Variants in UBR7 observed in about 807,000 individuals in gnomAD.
UBR7 encodes the protein ubiquitin protein ligase E3 component n-recognin 7, also known as putative E3 ubiquitin-protein ligase UBR7.
Under a neutral mutation model 57.0 loss-of-function variants are expected in UBR7, and 22 were observed. The ratio of observed to expected loss-of-function variants is 0.39; its 90% confidence interval spans 0.28 to 0.55. UBR7 has a LOEUF of 0.55. Among genes scored for constraint, UBR7 ranks in the 20% least tolerant of loss-of-function variants. The pLI is 0.69. For synonymous variants in UBR7, 167 were observed against 179.8 expected, an observed-to-expected ratio of 0.93 and a Z score of 0.57; for missense variants, 395 against 513.2, an observed-to-expected ratio of 0.77 and a Z score of 2.23.
At chr14:93,209,065 G>A (rs911877815) in intron 1 of UBR7, among the ~76,000 whole-genome samples, 2 of 152,062 alleles carry the variant, frequency 1.3e-5, no homozygotes, top group African/African-American at 4.8e-5. Context: ...TGCCCACCTC[G>A]GCCTCCCAAA....
chr14:93,223,869 C>A, intron 10 of UBR7: 1 of 741,986 alleles, frequency 1.3e-6, no homozygotes. Context: ...ATGTTGGGGG[C>A]GCCGCTCCGG....
At chr14:93,225,828 A>G (rs1189471442) in intron 10 of UBR7, among the ~76,000 whole-genome samples, 5 of 152,206 alleles carry the variant, frequency 3.3e-5, no homozygotes, top group Non-Finnish European at 7.3e-5. Flanking sequence ...CTCCTACAGT[A>G]TCCTTGCTAG....
Position 93,210,671 on chromosome 14 carries a change from A to G in UBR7, c.308A>G (p.Asn103Ser). Residue 103 changes from asparagine to serine, a missense_variant, in exon 3 of 11, where the codon AAC (asparagine) becomes AGC (serine). Coordinates refer to ENST00000013070, the MANE Select transcript of UBR7 (RefSeq NM_175748.4). ...TKRNFRCDCG[N>S]SKFKNLECKL... ...AGAAATTTTCGTTGTGATTGTGGAA[A>G]CAGCAAGTTTAAAAATTTGGAATGC... 2 of 1,609,336 alleles carry G rather than the reference A, an allele frequency of 1.2e-6. No homozygotes were observed. Among genetic ancestry groups the G allele is most frequent in the East Asian group, 4.5e-5 (2 of 44,744 alleles).
At position 93,215,225 on chromosome 14, in the gene UBR7, G is replaced by A. The variant is rs1894566243; in HGVS notation, c.545G>A (p.Cys182Tyr). ...PESGDFQEMV[C>Y]QACMKRCSFL... ...AGTGGGGATTTTCAGGAGATGGTAT[G>A]CCAGGCCTGCATGAAACGTTGTTCT... is the stretch of plus-strand genomic sequence containing the variant. Residue 182 changes from cysteine (C) to tyrosine (Y), a missense_variant, in exon 6 of 11, where the codon TGC becomes TAC. Physicochemically the swap from Cys to Tyr is radical, Grantham distance 194. Transcript: ENST00000013070. The A allele has an allele frequency of 1.3e-6, 2 of 1,591,190 alleles. No individual in the cohort carries two copies. Among genetic ancestry groups the A allele is most frequent in the Non-Finnish European group, 1.7e-6 (2 of 1,168,136 alleles).
intron 10 of UBR7, 91 bp downstream of exon 10, chr14:93,222,465 C>T (rs938478889): frequency 2.2e-5 from 22 of 1,012,684 alleles, no homozygotes; most frequent in East Asian, 2.0e-4. Flanking sequence ...CTGCGACTGG[C>T]GGGGTGCGGT....
intron 3 of UBR7, 64 bp downstream of exon 3, chr14:93,210,772 G>T: frequency 7.2e-7 from 1 of 1,389,728 alleles, no homozygotes; most frequent in Non-Finnish European, 1.0e-6. Flanking sequence ...GCCAGAGTGG[G>T]TAAAAAAACA....
chr14:93,214,940 G>C lies in UBR7; in HGVS notation c.453G>C (p.Glu151Asp). The change falls in exon 5 of 11, where the codon GAG becomes GAC. Residue 151 changes from glutamate (E) to aspartate (D), a missense_variant. Physicochemically the swap from Glu to Asp is conservative, Grantham distance 45. Coordinates refer to ENST00000013070, the MANE Select transcript of UBR7 (RefSeq NM_175748.4). ...YPDPEDEIPD[E>D]MIQCVVCEDW... ...CTTTTCTCTGTTAGATTCCAGATGA[G>C]ATGATCCAGTGCGTAGTCTGTGAAG... 6.2e-7 allele frequency: 1 copy of C among 1,613,850 alleles called. No individual in the cohort carries two copies. Among genetic ancestry groups the C allele is most frequent in the Admixed American group, 1.7e-5 (1 of 60,004 alleles).
At chr14:93,217,136 C>T (rs1894607747) in intron 6 of UBR7, among the ~76,000 whole-genome samples, 1 of 152,184 alleles carries the variant, frequency 6.6e-6, no homozygotes, top group African/African-American at 2.4e-5. Flanking sequence ...AGGCAATTCT[C>T]CTGCCTCAGC....
Position 93,228,450 on chromosome 14 carries a change from A to G in UBR7, c.*1415A>G, listed in dbSNP as rs1894914420. On this transcript the variant is annotated 3_prime_UTR_variant, in exon 11 of 11. Transcript: ENST00000013070. ...TATTAATACTCCTTATGTGTCCAGC[A>G]TCTGTGTATTCATTCGAGTGCCCAA... is the stretch of plus-strand genomic sequence containing the variant. 1 of 454,152 alleles carries G rather than the reference A, an allele frequency of 2.2e-6. No individual in the cohort carries two copies. The highest frequency in any genetic ancestry group is 4.4e-6 in the Non-Finnish European group (1 of 226,796). The allele number at this position is 454,152 out of a possible 1,614,324, so 28.1% of individuals were successfully genotyped here. A position where few individuals can be genotyped will look rare whatever the true frequency, so the allele number is the denominator to read the frequency against.
In UBR7 at chr14:93,228,072, GT is replaced by G. The variant is rs1894899454; in HGVS notation, c.*1041del. On this transcript the variant is annotated 3_prime_UTR_variant, in exon 11 of 11. Coordinates refer to ENST00000013070, the MANE Select transcript of UBR7 (RefSeq NM_175748.4). ...TGAAATAAGCAGGGCAGGGAGCCCT[GT>G]TTTGGAAGAGACAGACTGTGGAAGA... 1 of 690,118 alleles carries G rather than the reference GT, an allele frequency of 1.4e-6. No homozygotes were observed. Among genetic ancestry groups the G allele is most frequent in the African/African-American group, 1.8e-5 (1 of 57,042 alleles). 42.7% of individuals were successfully genotyped at this position (690,118 alleles called of 1,614,324 possible).
Position 93,218,594 on chromosome 14 carries a change from T to C in UBR7, c.669T>C (p.Val223=), listed in dbSNP as rs758556998. Residue 223 remains valine (V), a synonymous_variant, in exon 7 of 11, where the codon GTT becomes GTC. Transcript: ENST00000013070. ...RNIDGIGDQE[V]IKPENGEHQD... ...TTGATGGAATAGGTGATCAGGAAGT[T>C]ATCAAACCTGAAAATGGAGAGCATC... is the stretch of plus-strand genomic sequence containing the variant. 6.2e-7 allele frequency: 1 copy of C among 1,613,932 alleles called. No individual in the cohort carries two copies. The highest frequency in any genetic ancestry group is 1.3e-5 in the African/African-American group (1 of 74,860).
At chr14:93,211,855 T>C (rs562680024) in intron 3 of UBR7, among the ~76,000 whole-genome samples, 177 bp from the exon 4 acceptor site, 3 of 151,972 alleles carry the variant, frequency 2.0e-5, no homozygotes, top group Middle Eastern at 3.4e-3. Context: ...TTTCCCTGTG[T>C]CCTGAAAAAA....
Position 93,227,481 on chromosome 14 carries a change from T to C in UBR7, c.*446T>C. 1.4e-6 allele frequency: 1 copy of C among 693,090 alleles called. No homozygotes were observed. The highest frequency in any genetic ancestry group is 2.6e-6 in the Non-Finnish European group (1 of 380,588). The allele number at this position is 693,090 out of a possible 1,614,324, so 42.9% of individuals were successfully genotyped here. A position where few individuals can be genotyped will look rare whatever the true frequency, so the allele number is the denominator to read the frequency against. ...ACCTCTACAGGTCCCCTCGCCCCTATGATCGTGGTGCCTTGGGTCAAAGCT... is the reference window on the plus strand; with the variant it reads ...ACCTCTACAGGTCCCCTCGCCCCTACGATCGTGGTGCCTTGGGTCAAAGCT... On this transcript the variant is annotated 3_prime_UTR_variant, in exon 11 of 11. Coordinates refer to ENST00000013070, the MANE Select transcript of UBR7 (RefSeq NM_175748.4).
At chr14:93,218,388 A>G (rs1152439) in intron 6 of UBR7, 139 bp from the exon 7 acceptor site, 257,880 of 763,544 alleles carry the variant, frequency 0.34, 46,573 homozygotes, top group South Asian at 0.47. Flanking sequence ...TCCAGTGTGG[A>G]CGACAGAGTG....
In UBR7 at chr14:93,210,720, CTG is replaced by C; in HGVS notation, c.345+14_345+15del. 6.2e-7 allele frequency: 1 copy of C among 1,601,894 alleles called. No individual in the cohort carries two copies. The highest frequency in any genetic ancestry group is 8.5e-7 in the Non-Finnish European group (1 of 1,171,308). On this transcript the variant is annotated intron_variant, in intron 3 of 10. Coordinates refer to ENST00000013070, the MANE Select transcript of UBR7 (RefSeq NM_175748.4). ...GCAAATTACTTCCTGTAAGTAAGCA[CTG>C]TAACTATAAATGCATTTAGAGCAGC...
intron 1 of UBR7, among the ~76,000 whole-genome samples, chr14:93,208,226 T>C (rs980370449): frequency 2.0e-5 from 3 of 151,952 alleles, no homozygotes; most frequent in African/African-American, 7.3e-5. Flanking sequence ...AGGATGAGAA[T>C]TGGTAGGAAG....
intron 1 of UBR7, 129 bp from the exon 2 acceptor site, chr14:93,209,695 C>A: frequency 1.6e-6 from 2 of 1,257,646 alleles, no homozygotes; most frequent in African/African-American, 1.5e-5. Context: ...ACTTTTTAGT[C>A]TTAATGGTTT....
intron 6 of UBR7, 106 bp from the exon 7 acceptor site, chr14:93,218,421 A>G (rs57402998): frequency 1.9e-6 from 2 of 1,029,986 alleles, no homozygotes; most frequent in East Asian, 5.2e-5. Flanking sequence ...TAAAAAAAAA[A>G]AATAATAATA....
chr14:93,207,443 TGG>T lies in UBR7; in HGVS notation c.150+4_150+5del. ...TCCGAGAAGTGCTCCTACTCTCAGG[TGG>T]GCGCGCGGCCCGGGCCTCCTCTCCC... On this transcript the variant is annotated splice_donor_region_variant and intron_variant, in intron 1 of 10. Coordinates refer to ENST00000013070, the MANE Select transcript of UBR7 (RefSeq NM_175748.4). 2.6e-6 allele frequency: 4 copies of T among 1,546,032 alleles called. No homozygotes were observed. Among genetic ancestry groups the T allele is most frequent in the Non-Finnish European group, 3.5e-6 (4 of 1,147,934 alleles).
Sources: allele counts gnomAD v4.1 joint callset (sites outside exome capture counted in the v4.1 genomes callset), GRCh38; gene constraint gnomAD v4.1.1; transcripts MANE v1.5; gene names NCBI Gene and HGNC (gene_info 2026-07-23, HGNC 2026-07-21).